The following TRRAP variants were observed in gnomAD, a reference collection of about 807,000 sequenced individuals.
The protein encoded by TRRAP is transformation/transcription domain associated protein, also known as transformation/transcription domain-associated protein.
TRRAP carries 41 observed loss-of-function variants against 438.8 expected under a neutral mutation model. That is an observed-to-expected ratio of 0.09 (90% CI 0.07 to 0.12). The LOEUF is 0.12. TRRAP is among the 10% of genes least tolerant of loss of function. TRRAP has a pLI of 1.00. For missense variants in TRRAP, 3,122 were observed against 5,055.1 expected, an observed-to-expected ratio of 0.62 and a Z score of 11.60; for synonymous variants, 1,994 against 1,962.9, an observed-to-expected ratio of 1.02 and a Z score of -0.42.
chr7:98,949,825 C>T lies in TRRAP; in HGVS notation c.5119C>T (p.Leu1707=), dbSNP rs781878036. The T allele has an allele frequency of 1.9e-6, 3 of 1,613,198 alleles. No individual in the cohort carries two copies. The highest frequency in any genetic ancestry group is 1.7e-5 in the Admixed American group (1 of 59,978). The stretch of plus-strand genomic sequence containing the variant: ...GGAGCCCAAGCTGCTGGCCTACTGC[C>T]TGCTGAACTACTGCAAGTGGGTGCC... ...WKEPKLLAYC[L]LNYCKRNYGD... The change falls in exon 37 of 73, where the codon CTG becomes TTG. Residue 1707 remains leucine, a synonymous_variant. Coordinates refer to ENST00000456197, the MANE Select transcript of TRRAP (RefSeq NM_001375524.1).
intron 67 of TRRAP, among the ~76,000 whole-genome samples, chr7:99,003,094 G>A (rs942041683): frequency 2.0e-5 from 3 of 152,146 alleles, no homozygotes; most frequent in Non-Finnish European, 2.9e-5. Context: ...GTGCCTCCTC[G>A]TGGCTCCCCC....
At chr7:98,882,401 C>T (rs1260133707) in intron 3 of TRRAP, among the ~76,000 whole-genome samples, 4 of 142,176 alleles carry the variant, frequency 2.8e-5, no homozygotes, top group Non-Finnish European at 6.0e-5. Context: ...TCGCTCTTGT[C>T]GCCCAGGCTG....
Position 99,005,045 on chromosome 7 carries a change from C to T in TRRAP, c.10536-86C>T, listed in dbSNP as rs552526080. 31 of 1,381,416 alleles carry T rather than the reference C, an allele frequency of 2.2e-5. No homozygotes were observed. Among genetic ancestry groups the T allele is most frequent in the Non-Finnish European group, 3.1e-5 (30 of 982,908 alleles). 85.6% of individuals were successfully genotyped at this position (1,381,416 alleles called of 1,614,324 possible). ...GCCTACACAGTCCGTTTTCCCGTGA[C>T]AGTTCGGACATTCCTAGCTTCTTCT... On this transcript the variant is annotated intron_variant, in intron 68 of 72. Coordinates refer to ENST00000456197, the MANE Select transcript of TRRAP (RefSeq NM_001375524.1). This position sits in a 1 kb window ranked among gnomAD's most constrained non-coding sequence, Gnocchi z 5.1.
At chr7:98,917,308 C>T (rs1377867302) in intron 19 of TRRAP, 115 bp from the exon 20 acceptor site, 1 of 1,420,646 alleles carries the variant, frequency 7.0e-7, no homozygotes, top group Non-Finnish European at 9.6e-7. Context: ...CAGAGGTCTC[C>T]CTGCAGTTGT....
intron 3 of TRRAP, among the ~76,000 whole-genome samples, chr7:98,885,667 AATAT>A (rs112055398): frequency 6.7e-6 from 1 of 148,980 alleles, no homozygotes. Context: ...AGCTGTTTAA[AATAT>A]ATATATATAT....
At chr7:98,933,985 C>G (rs1337224085) in intron 27 of TRRAP, among the ~76,000 whole-genome samples, 2 of 152,242 alleles carry the variant, frequency 1.3e-5, no homozygotes, top group Admixed American at 1.3e-4. Context: ...TTCCTAATCA[C>G]TGCACTGTCC....
chr7:98,958,462 G>A (rs1554420368), intron 44 of TRRAP, among the ~76,000 whole-genome samples: 1 of 152,110 alleles, frequency 6.6e-6, no homozygotes, highest in African/African-American at 2.4e-5. Context: ...ACCACACCCA[G>A]CTAGTTTTTG....
In TRRAP at chr7:99,005,301, G is replaced by A. The variant is rs56317137; in HGVS notation, c.10706G>A (p.Cys3569Tyr). 1 of 1,614,114 alleles carries A rather than the reference G, an allele frequency of 6.2e-7. No individual in the cohort carries two copies. The highest frequency in any genetic ancestry group is 2.2e-5 in the East Asian group (1 of 44,892). ...VLQLLRLLNP[C>Y]LEKRKETTKR... ...CAGCTGCTGCGTCTGCTGAACCCCT[G>A]TTTGGAGAAGAGAAAGGAGACCACC... is the stretch of plus-strand genomic sequence containing the variant. The change falls in exon 69 of 73, where the codon TGT becomes TAT. Residue 3569 changes from cysteine to tyrosine, a missense_variant. Physicochemically the swap from Cys to Tyr is radical, Grantham distance 194. This residue lies in a region of TRRAP where 95 missense variants were observed against 144.1 expected (regional missense o/e 0.66). Transcript: ENST00000456197. The surrounding 1 kb of genome is among the most constrained non-coding windows in gnomAD (Gnocchi z 5.1).
rs1174239191 is a variant in TRRAP, at chr7:98,908,615, A to C, written c.1116-113A>C. The C allele has an allele frequency of 2.2e-6, 2 of 891,330 alleles. No homozygotes were observed. The highest frequency in any genetic ancestry group is 4.3e-5 in the Admixed American group (2 of 46,566). 55.2% of individuals were successfully genotyped at this position (891,330 alleles called of 1,614,324 possible). A position where few individuals can be genotyped will look rare whatever the true frequency, so the allele number is the denominator to read the frequency against. On this transcript the variant is annotated intron_variant, in intron 13 of 72. Transcript: ENST00000456197. This position sits in a 1 kb window ranked among gnomAD's most constrained non-coding sequence, Gnocchi z 4.1. ...TAATGTGGTGAAAATGGGCCATGTA[A>C]GTGTGCCGACCCAGGGGTGGTGTTC... is the stretch of plus-strand genomic sequence containing the variant.
intron 68 of TRRAP, among the ~76,000 whole-genome samples, chr7:99,004,928 TC>T (rs1444740913): frequency 1.3e-5 from 2 of 152,150 alleles, no homozygotes; most frequent in African/African-American, 4.8e-5. Context: ...CTCCTTGACT[TC>T]CGTCCGTGGC....
At chr7:98,996,792 A>G (rs1316867904) in intron 67 of TRRAP, among the ~76,000 whole-genome samples, 1 of 152,186 alleles carries the variant, frequency 6.6e-6, no homozygotes, top group Non-Finnish European at 1.5e-5. Context: ...CCTCTTAATA[A>G]TATGTTATAT....
At chr7:98,900,771 T>C (rs1796435144) in intron 11 of TRRAP, 51 bp downstream of exon 11, 2 of 1,506,392 alleles carry the variant, frequency 1.3e-6, no homozygotes, top group Non-Finnish European at 1.8e-6. Context: ...TTACATACAA[T>C]AAAATTCACC....
chr7:98,888,605 A>G (rs1342654365), intron 3 of TRRAP, among the ~76,000 whole-genome samples: 1 of 152,212 alleles, frequency 6.6e-6, no homozygotes, highest in Non-Finnish European at 1.5e-5. Context: ...CTCTGTTGAT[A>G]TGCCTTTTAC....
intron 53 of TRRAP, among the ~76,000 whole-genome samples, chr7:98,972,959 T>C (rs988121236): frequency 2.6e-5 from 4 of 152,146 alleles, no homozygotes; most frequent in East Asian, 1.9e-4. Flanking sequence ...TCTCATGTTA[T>C]GGGCCAGGCA....
At chr7:98,937,424 T>A in intron 29 of TRRAP, 147 bp downstream of exon 29, 1 of 1,242,522 alleles carries the variant, frequency 8.0e-7, no homozygotes, top group Non-Finnish European at 1.1e-6. Flanking sequence ...CACTAAACTG[T>A]AATAAGAATA....
At position 98,994,514 on chromosome 7, in the gene TRRAP, A is replaced by G. The variant is rs966524999; in HGVS notation, c.10048-73A>G. 1.5e-5 allele frequency: 24 copies of G among 1,595,992 alleles called. No individual in the cohort carries two copies. The highest frequency in any genetic ancestry group is 4.6e-5 in the South Asian group (4 of 87,654). ...CCCTGGGCTGGGAGGGCCGCACTCA[A>G]TAGGCGCTTTTGGCTGCTGGTTCTG... On this transcript the variant is annotated intron_variant, in intron 66 of 72. Coordinates refer to ENST00000456197, the MANE Select transcript of TRRAP (RefSeq NM_001375524.1). The surrounding 1 kb of genome is among the most constrained non-coding windows in gnomAD (Gnocchi z 4.8).
chr7:98,985,184 C>A, intron 62 of TRRAP, 140 bp downstream of exon 62: 1 of 576,174 alleles, frequency 1.7e-6, no homozygotes, highest in Admixed American at 3.1e-5. Context: ...TTTTTAGGTA[C>A]TGCACCTCTG....
Position 98,937,780 on chromosome 7 carries a change from T to A in TRRAP, c.4364T>A (p.Phe1455Tyr). The change falls in exon 30 of 73, where the codon TTC (phenylalanine) becomes TAC (tyrosine). Residue 1455 changes from phenylalanine (F) to tyrosine (Y), a missense_variant. Physicochemically the swap from Phe to Tyr is conservative, Grantham distance 22 (BLOSUM62 3). Coordinates refer to ENST00000456197, the MANE Select transcript of TRRAP (RefSeq NM_001375524.1). The part of the protein sequence containing the change: ...VNRLTSVTRL[F>Y]PNSFNDKFCD... ...CGCCTGACTTCGGTCACGAGGCTCT[T>A]CCCAAATTCCTTCAATGATAAATTT... 6.2e-7 allele frequency: 1 copy of A among 1,613,822 alleles called. No individual in the cohort carries two copies. Among genetic ancestry groups the A allele is most frequent in the Non-Finnish European group, 8.5e-7 (1 of 1,179,902 alleles).
chr7:98,890,293 A>G (rs1313948947), intron 3 of TRRAP, 42 bp from the exon 4 acceptor site: 6 of 1,292,878 alleles, frequency 4.6e-6, no homozygotes, highest in Non-Finnish European at 6.2e-6. Context: ...ATGAAAATAC[A>G]TACACATAAC....
Sources: allele counts gnomAD v4.1 joint callset (sites outside exome capture counted in the v4.1 genomes callset), GRCh38; gene constraint gnomAD v4.1.1; regional missense constraint gnomAD v4.1.1; non-coding constraint Gnocchi (gnomAD v3.1); transcripts MANE v1.5; gene names NCBI Gene and HGNC (gene_info 2026-07-23, HGNC 2026-07-21).